Variants in IKZF2 observed in about 807,000 individuals in gnomAD.
IKZF2 encodes the protein zinc finger protein Helios.
Under a neutral mutation model 49.2 loss-of-function variants are expected in IKZF2, and 15 were observed. The observed-to-expected ratio is 0.30, with a 90% CI of 0.20 to 0.47. The LOEUF is 0.47. Ranked by LOEUF, IKZF2 falls within the 20% of genes least tolerant of loss-of-function variation. The pLI, the probability that IKZF2 is intolerant of heterozygous loss-of-function variation, is 1.00. For synonymous variants in IKZF2, 227 were observed against 221.4 expected (o/e 1.03, Z -0.23); for missense variants, 567 against 664.6 (o/e 0.85, Z 1.61).
intron 6 of IKZF2, among the ~76,000 whole-genome samples, chr2:213,023,669 A>G (rs911167799): frequency 2.6e-5 from 4 of 152,212 alleles, no homozygotes; most frequent in Non-Finnish European, 4.4e-5. Context: ...TCTGTTTACT[A>G]TTAGCATTAC....
At chr2:213,013,398 T>C (rs1249588515) in intron 8 of IKZF2, among the ~76,000 whole-genome samples, 1 of 66,128 alleles carries the variant, frequency 1.5e-5, no homozygotes, top group African/African-American at 3.7e-5. Context: ...GCATAAATGT[T>C]AATAGGTTAA....
chr2:213,056,712 AT>A (rs1701184445), intron 5 of IKZF2, 120 bp downstream of exon 5: 1 of 1,196,012 alleles, frequency 8.4e-7, no homozygotes, highest in Admixed American at 1.9e-5. Flanking sequence ...TACTAGCAGA[AT>A]TCTGAAAAGG....
At chr2:213,106,992 C>T (rs1460668098) in intron 4 of IKZF2, among the ~76,000 whole-genome samples, 1 of 152,096 alleles carries the variant, frequency 6.6e-6, no homozygotes, top group Non-Finnish European at 1.5e-5. Flanking sequence ...ATATATCATG[C>T]TGCTGATTAA....
chr2:213,016,847 T>C (rs1260565442), intron 7 of IKZF2: 1 of 152,144 alleles, frequency 6.6e-6, no homozygotes, highest in Non-Finnish European at 1.5e-5. Context: ...GGACCTAGGT[T>C]AGATCACATG....
chr2:213,071,042 T>C (rs1362410746), intron 4 of IKZF2, among the ~76,000 whole-genome samples: 1 of 152,148 alleles, frequency 6.6e-6, no homozygotes, highest in Non-Finnish European at 1.5e-5. Flanking sequence ...TAAGTATTAG[T>C]TTCATTTTAT....
At chr2:213,106,972 T>C (rs1010306404) in intron 4 of IKZF2, among the ~76,000 whole-genome samples, 2 of 152,166 alleles carry the variant, frequency 1.3e-5, no homozygotes, top group Admixed American at 1.3e-4. Flanking sequence ...CATTATATGA[T>C]AAACAGCAGA....
At chr2:213,116,898 C>G (rs1378028354) in intron 4 of IKZF2, among the ~76,000 whole-genome samples, 1 of 152,094 alleles carries the variant, frequency 6.6e-6, no homozygotes, top group African/African-American at 2.4e-5. Context: ...AAACATATAT[C>G]ATTAAAATAT....
chr2:213,025,856 C>T (rs1293796767), intron 6 of IKZF2, among the ~76,000 whole-genome samples: 1 of 152,090 alleles, frequency 6.6e-6, no homozygotes, highest in East Asian at 1.9e-4. Flanking sequence ...TTCCTACTTC[C>T]AAATAGCTGC....
At chr2:213,141,294 T>A (rs1025240370) in intron 4 of IKZF2, among the ~76,000 whole-genome samples, 1 of 152,006 alleles carries the variant, frequency 6.6e-6, no homozygotes, top group African/African-American at 2.4e-5. Context: ...GCCTAGAGAC[T>A]GGTCCCCATC....
Position 213,068,946 on chromosome 2 carries a change from C to CACACACAA in IKZF2, c.140-11848_140-11847insTTGTGTGT, listed in dbSNP as rs1553564907. Among the ~76,000 whole-genome samples, 9 of 145,350 alleles carry CACACACAA rather than the reference C, an allele frequency of 6.2e-5. No homozygotes were observed. In the East Asian group the frequency reaches 1.8e-3, roughly 28 times the overall value. ...ACACACACACACACACACACACACA[C>CACACACAA]AACATACTCAAAACTTTAAAAAGAA... On this transcript the variant is annotated intron_variant, in intron 4 of 8. Transcript: ENST00000434687.
chr2:213,042,437 C>T lies in IKZF2; in HGVS notation c.574+7276G>A, dbSNP rs184653166. On this transcript the variant is annotated intron_variant, in intron 6 of 8. Transcript: ENST00000434687. ...CTCATACGTTCTTCTTTGGTACGTC[C>T]GAGTATACTTCTAGCAGTTGAGCTG... Among the ~76,000 whole-genome samples the T allele has an allele frequency of 2.0e-5, 3 of 152,182 alleles. No homozygotes were observed. The East Asian group carries it at 5.8e-4, about 29-fold the overall frequency.
chr2:213,132,774 T>C (rs1395825134), intron 4 of IKZF2, among the ~76,000 whole-genome samples: 1 of 152,228 alleles, frequency 6.6e-6, no homozygotes. Context: ...TCAAATGAAA[T>C]GCATTACTAC....
At chr2:213,062,845 T>C (rs983183690) in intron 4 of IKZF2, among the ~76,000 whole-genome samples, 1 of 152,018 alleles carries the variant, frequency 6.6e-6, no homozygotes, top group Non-Finnish European at 1.5e-5. Flanking sequence ...ACACCAAACA[T>C]GATTAAATCC....
chr2:213,135,187 GT>G (rs1441407776), intron 4 of IKZF2, among the ~76,000 whole-genome samples: 1 of 152,042 alleles, frequency 6.6e-6, no homozygotes, highest in East Asian at 1.9e-4. Flanking sequence ...AAACTTGTTT[GT>G]TACATGCAAG....
At chr2:213,089,338 C>T (rs1705034671) in intron 4 of IKZF2, among the ~76,000 whole-genome samples, 1 of 152,190 alleles carries the variant, frequency 6.6e-6, no homozygotes, top group Non-Finnish European at 1.5e-5. Flanking sequence ...CACTTTCACG[C>T]AGACCTTCTC....
intron 4 of IKZF2, among the ~76,000 whole-genome samples, chr2:213,107,348 T>A (rs1207038962): frequency 6.6e-6 from 1 of 152,184 alleles, no homozygotes; most frequent in Non-Finnish European, 1.5e-5. Context: ...CACTGTGAGG[T>A]CTTATAGCTT....
chr2:213,093,140 A>T (rs1705549705), intron 4 of IKZF2, among the ~76,000 whole-genome samples: 1 of 152,254 alleles, frequency 6.6e-6, no homozygotes. Flanking sequence ...CCCACCCAAC[A>T]CCTAAAAAAA....
intron 4 of IKZF2, among the ~76,000 whole-genome samples, chr2:213,071,333 A>G (rs991154469): frequency 1.3e-5 from 2 of 152,174 alleles, no homozygotes; most frequent in African/African-American, 4.8e-5. Flanking sequence ...TTACTAAGTA[A>G]TAGGCAAACA....
At chr2:213,018,874 T>C (rs1006118987) in intron 7 of IKZF2, among the ~76,000 whole-genome samples, 1 of 152,228 alleles carries the variant, frequency 6.6e-6, no homozygotes, top group African/African-American at 2.4e-5. Context: ...TGAACACTCC[T>C]GCATGTAAGA....
Sources: allele counts gnomAD v4.1 joint callset (sites outside exome capture counted in the v4.1 genomes callset), GRCh38; gene constraint gnomAD v4.1.1; transcripts MANE v1.5; gene names NCBI Gene and HGNC (gene_info 2026-07-23, HGNC 2026-07-21).